Variants in HNF1B observed in about 807,000 individuals in gnomAD.
The protein encoded by HNF1B is hepatocyte nuclear factor 1-beta.
In HNF1B, 8 loss-of-function variants were observed where a neutral mutation model predicts 61.7. That is an observed-to-expected ratio of 0.13 (90% CI 0.08 to 0.23). The LOEUF is 0.23. Ranked by LOEUF, HNF1B falls within the 10% of genes least tolerant of loss-of-function variation. The probability of loss-of-function intolerance (pLI) is 1.00; values close to 1 mark genes in which losing one functional copy is unlikely to be tolerated. For synonymous variants in HNF1B, 314 were observed against 287.7 expected, an observed-to-expected ratio of 1.09 and a Z score of -0.93; for missense variants, 562 against 714.5, an observed-to-expected ratio of 0.79 and a Z score of 2.43.
At chr17:37,711,229 G>A (rs867669043) in intron 4 of HNF1B, among the ~76,000 whole-genome samples, 1 of 152,230 alleles carries the variant, frequency 6.6e-6, no homozygotes. Flanking sequence ...GGCCCAAGAG[G>A]TCAGGGGCAC....
In HNF1B at chr17:37,731,791, G is replaced by T. The variant is rs1267057690; in HGVS notation, c.849C>A (p.Ala283=). 6.2e-7 allele frequency: 1 copy of T among 1,614,056 alleles called. No individual in the cohort carries two copies. The highest frequency in any genetic ancestry group is 8.5e-7 in the Non-Finnish European group (1 of 1,179,970). The stretch of plus-strand genomic sequence containing the variant: ...TGACCAAGTTGGAGCCCAGGCCGTG[G>T]GCTTTGGAGGGGGACACCCCTCGCT... ...CLQRGVSPSK[A]HGLGSNLVTE... Residue 283 remains alanine (A), a synonymous_variant, in exon 4 of 9, where the codon GCC becomes GCA. Transcript: ENST00000617811.
intron 8 of HNF1B, among the ~76,000 whole-genome samples, chr17:37,690,003 GCACACACACACACACACA>G (rs5820231): frequency 6.7e-6 from 1 of 148,764 alleles, no homozygotes; most frequent in Non-Finnish European, 1.5e-5. Context: ...ACAAATGCGT[GCACACACACACACACACA>G]CACACACACA....
intron 4 of HNF1B, chr17:37,720,779 A>AATAC: frequency 4.1e-6 from 4 of 984,994 alleles, no homozygotes; most frequent in Non-Finnish European, 4.8e-6. Flanking sequence ...TGCCACTCAG[A>AATAC]ATACATACAT....
chr17:37,743,826 C>A (rs1335776835), intron 1 of HNF1B, among the ~76,000 whole-genome samples: 1 of 152,342 alleles, frequency 6.6e-6, no homozygotes, highest in South Asian at 2.1e-4. Context: ...AGACTGAGAC[C>A]AGATCCTCTG....
chr17:37,719,880 G>GT (rs1450089802), intron 4 of HNF1B, among the ~76,000 whole-genome samples: 1 of 152,250 alleles, frequency 6.6e-6, no homozygotes, highest in Non-Finnish European at 1.5e-5. Context: ...GATCCTTTGA[G>GT]GTCTGGCAAG....
chr17:37,695,532 C>A (rs1458272234), intron 8 of HNF1B, among the ~76,000 whole-genome samples: 1 of 152,194 alleles, frequency 6.6e-6, no homozygotes, highest in Non-Finnish European at 1.5e-5. Context: ...TGGGAATGGG[C>A]CTGCCACCCT....
chr17:37,691,528 G>A (rs2032204332), intron 8 of HNF1B, among the ~76,000 whole-genome samples: 1 of 152,122 alleles, frequency 6.6e-6, no homozygotes, highest in African/African-American at 2.4e-5. Context: ...AGCCGCTCAG[G>A]GGTGCTAGCA....
intron 8 of HNF1B, among the ~76,000 whole-genome samples, chr17:37,695,011 T>C (rs1412634666): frequency 6.6e-6 from 1 of 152,170 alleles, no homozygotes; most frequent in Non-Finnish European, 1.5e-5. Context: ...GAGATTAGCT[T>C]GACTAAAGAG....
intron 4 of HNF1B, among the ~76,000 whole-genome samples, chr17:37,716,530 C>T (rs934220023): frequency 1.3e-5 from 2 of 152,154 alleles, no homozygotes; most frequent in African/African-American, 4.8e-5. Flanking sequence ...CTGTTTTTCC[C>T]GTAAGCCCTG....
chr17:37,743,276 T>C (rs1036636391), intron 1 of HNF1B, among the ~76,000 whole-genome samples: 2 of 152,150 alleles, frequency 1.3e-5, no homozygotes, highest in Non-Finnish European at 2.9e-5. Context: ...TAGGGGCCAC[T>C]CTCTCGACCC....
rs1469885516 is a variant in HNF1B at position 37,687,168 on chromosome 17, C to T, written c.*204G>A. ...TCGTGGGAGAGGCATTGTGGCAATA[C>T]TGCATAGAAGGGAAACTGGGCTTCG... On this transcript the variant is annotated 3_prime_UTR_variant, in exon 9 of 9. Coordinates refer to ENST00000617811, the MANE Select transcript of HNF1B (RefSeq NM_000458.4). 3 of 753,748 alleles carry T rather than the reference C, an allele frequency of 4.0e-6. No homozygotes were observed. The African/African-American group carries it at 5.2e-5, about 13-fold the overall frequency. The allele number at this position is 753,748 out of a possible 1,614,324, so 46.7% of individuals were successfully genotyped here.
intron 4 of HNF1B, chr17:37,729,395 T>G (rs1174149159): frequency 7.2e-6 from 1 of 137,982 alleles, no homozygotes; most frequent in Non-Finnish European, 1.5e-5. Context: ...ACTGCACCAC[T>G]GCACTCTAGC....
At chr17:37,725,970 G>A (rs60081436) in intron 4 of HNF1B, among the ~76,000 whole-genome samples, 1 of 152,208 alleles carries the variant, frequency 6.6e-6, no homozygotes, top group Non-Finnish European at 1.5e-5. Context: ...GCCTGGGCAG[G>A]GCACAGAATC....
At chr17:37,707,399 G>A (rs893025229) in intron 5 of HNF1B, among the ~76,000 whole-genome samples, 3 of 152,152 alleles carry the variant, frequency 2.0e-5, no homozygotes, top group Non-Finnish European at 2.9e-5. Context: ...ACACGTGTGA[G>A]CCACTGTGCC....
rs147798914 is a variant in HNF1B, at chr17:37,687,389, G to T, written c.1657C>A (p.Pro553Thr). The T allele has an allele frequency of 2.9e-5, 47 of 1,612,146 alleles. No homozygotes were observed. The African/African-American group carries it at 6.1e-4, about 21-fold the overall frequency. ...TGTGGGCATCACCAGGCTTGTAGAG[G>T]ACACTGCAGAGAGAGAGGAGAGAGG... ...LTNMSSSKQCPLQAW is the reference protein window; with the variant it reads ...LTNMSSSKQCTLQAW Residue 553 changes from proline to threonine, a missense_variant, in exon 9 of 9, where the codon CCT becomes ACT. Transcript: ENST00000617811.
chr17:37,716,457 C>T (rs1424467516), intron 4 of HNF1B, among the ~76,000 whole-genome samples: 2 of 152,142 alleles, frequency 1.3e-5, no homozygotes, highest in Non-Finnish European at 2.9e-5. Context: ...CCTCAGCCTC[C>T]CAAAGTGCTG....
intron 6 of HNF1B, among the ~76,000 whole-genome samples, chr17:37,703,997 C>T (rs535791789): frequency 6.6e-6 from 1 of 152,306 alleles, no homozygotes; most frequent in Non-Finnish European, 1.5e-5. Context: ...TGGAGCAATA[C>T]AAGGTTGAAA....
chr17:37,694,254 CCT>C (rs966553530), intron 8 of HNF1B, among the ~76,000 whole-genome samples: 83 of 152,124 alleles, frequency 5.5e-4, no homozygotes, highest in Middle Eastern at 3.4e-3. Context: ...ATGGTGAATC[CCT>C]GTTTCTACTA....
intron 8 of HNF1B, among the ~76,000 whole-genome samples, chr17:37,691,085 A>G (rs1195491655): frequency 6.6e-6 from 1 of 152,192 alleles, no homozygotes; most frequent in Non-Finnish European, 1.5e-5. Flanking sequence ...GTAGTATCCC[A>G]AACTCCCATG....
Sources: allele counts gnomAD v4.1 joint callset (sites outside exome capture counted in the v4.1 genomes callset), GRCh38; gene constraint gnomAD v4.1.1; transcripts MANE v1.5; gene names NCBI Gene and HGNC (gene_info 2026-07-23, HGNC 2026-07-21).